Variants in ROBO2 observed in about 807,000 individuals in gnomAD.
ROBO2 encodes the protein roundabout guidance receptor 2.
Under a neutral mutation model 160.8 loss-of-function variants are expected in ROBO2, and 53 were observed. That is an observed-to-expected ratio of 0.33 (90% CI 0.26 to 0.41). The LOEUF (loss-of-function observed/expected upper bound fraction) is 0.41. Among genes scored for constraint, ROBO2 ranks in the 10% least tolerant of loss-of-function variants. The pLI is 1.00. For missense variants in ROBO2, 1,577 were observed against 1,722.4 expected (o/e 0.92, Z 1.49); for synonymous variants, 664 against 611.7 (o/e 1.09, Z -1.26).
chr3:77,068,508 A>G (rs1035198803), intron 1 of ROBO2, among the ~76,000 whole-genome samples: 1 of 152,104 alleles, frequency 6.6e-6, no homozygotes, highest in African/African-American at 2.4e-5. Flanking sequence ...GCTGGTTTCT[A>G]AAGCCTCTTA....
At chr3:76,245,697 A>G (rs530937799) in intron 2 of ROBO2, among the ~76,000 whole-genome samples, 29 of 152,278 alleles carry the variant, frequency 1.9e-4, no homozygotes, top group African/African-American at 7.0e-4. Context: ...CTTGCTAAGC[A>G]TTACATCTTC....
intron 1 of ROBO2, among the ~76,000 whole-genome samples, chr3:77,096,979 C>T (rs370579492): frequency 1.2e-4 from 19 of 152,288 alleles, no homozygotes; most frequent in South Asian, 4.1e-4. Flanking sequence ...CAACTGTCTT[C>T]GTGTCTCCGT....
At chr3:77,291,076 G>A (rs868086910) in intron 2 of ROBO2, among the ~76,000 whole-genome samples, 3,406 of 104,198 alleles carry the variant, frequency 0.033, 57 homozygotes, top group Middle Eastern at 0.067. Flanking sequence ...CACCCCAGAC[G>A]TAAAGTAAAA....
At chr3:76,725,848 G>A (rs1008545146) in intron 2 of ROBO2, among the ~76,000 whole-genome samples, 2 of 152,066 alleles carry the variant, frequency 1.3e-5, no homozygotes, top group Admixed American at 1.3e-4. Context: ...ATGAGCCTTC[G>A]GAATCTTTCT....
chr3:75,981,847 C>G (rs1466843384), intron 2 of ROBO2, among the ~76,000 whole-genome samples: 1 of 151,246 alleles, frequency 6.6e-6, no homozygotes, highest in Non-Finnish European at 1.5e-5. Flanking sequence ...ATTGTGCTAT[C>G]AAGTAGTAGG....
intron 2 of ROBO2, among the ~76,000 whole-genome samples, chr3:76,813,292 C>T (rs1457854513): frequency 6.6e-6 from 1 of 152,074 alleles, no homozygotes; most frequent in African/African-American, 2.4e-5. Flanking sequence ...TCACAAAGTA[C>T]TACACATTTA....
chr3:77,486,935 G>A (rs927484966), intron 4 of ROBO2, among the ~76,000 whole-genome samples: 35 of 151,892 alleles, frequency 2.3e-4, no homozygotes, highest in Admixed American at 1.8e-3. Flanking sequence ...TTCATATTTA[G>A]TTGTTATTCT....
chr3:77,373,897 C>T (rs956024232), intron 2 of ROBO2, among the ~76,000 whole-genome samples: 2 of 148,622 alleles, frequency 1.3e-5, no homozygotes, highest in South Asian at 2.1e-4. Flanking sequence ...GTTGGCGGGG[C>T]GCGATGGCTC....
At chr3:75,920,074 G>T (rs1946970158) in intron 1 of ROBO2, among the ~76,000 whole-genome samples, 2 of 152,016 alleles carry the variant, frequency 1.3e-5, no homozygotes, top group South Asian at 4.2e-4. Flanking sequence ...CTTGTCTTAT[G>T]CTAGGTTTTG....
At chr3:77,036,662 C>T (rs2063654580), upstream of ROBO2, among the ~76,000 whole-genome samples, 1 of 151,940 alleles carries the variant, frequency 6.6e-6, no homozygotes, top group South Asian at 2.1e-4. Context: ...CCAGGTTTTA[C>T]ATAAAAGAAG....
At chr3:76,299,179 A>C (rs1205431013) in intron 2 of ROBO2, among the ~76,000 whole-genome samples, 2 of 152,212 alleles carry the variant, frequency 1.3e-5, no homozygotes, top group African/African-American at 4.8e-5. Context: ...AAAGCAAAGT[A>C]TATAGCATGT....
intron 2 of ROBO2, among the ~76,000 whole-genome samples, chr3:76,019,605 A>T (rs2066510183): frequency 6.6e-6 from 1 of 151,518 alleles, no homozygotes; most frequent in African/African-American, 2.4e-5. Flanking sequence ...TATTTGCTTT[A>T]TGGTCTCCTC....
chr3:76,445,041 G>A (rs961557949), intron 2 of ROBO2, among the ~76,000 whole-genome samples: 2 of 151,748 alleles, frequency 1.3e-5, no homozygotes, highest in African/African-American at 4.8e-5. Context: ...TTTTAGTTTT[G>A]AAAAGCATGA....
At chr3:76,129,942 T>C (rs1484171778) in intron 2 of ROBO2, among the ~76,000 whole-genome samples, 2 of 152,088 alleles carry the variant, frequency 1.3e-5, no homozygotes, top group African/African-American at 2.4e-5. Flanking sequence ...CTGATGGATC[T>C]GAAGTATAAA....
intron 2 of ROBO2, among the ~76,000 whole-genome samples, chr3:76,780,731 G>T (rs183832182): frequency 6.6e-6 from 1 of 150,680 alleles, no homozygotes; most frequent in Non-Finnish European, 1.5e-5. Flanking sequence ...TTAGCTGACC[G>T]TATATGCATG....
chr3:77,297,528 C>T (rs72895180), intron 2 of ROBO2, among the ~76,000 whole-genome samples: 1 of 152,068 alleles, frequency 6.6e-6, no homozygotes, highest in Non-Finnish European at 1.5e-5. Flanking sequence ...AAACTCCCTC[C>T]GGAATGCTGG....
chr3:77,579,270 C>T (rs1164653681), intron 15 of ROBO2, among the ~76,000 whole-genome samples: 1 of 152,084 alleles, frequency 6.6e-6, no homozygotes, highest in African/African-American at 2.4e-5. Flanking sequence ...ACTTCCTTAA[C>T]ATCAATATCT....
rs777881089 is a variant in ROBO2 at position 77,607,961 on chromosome 3, A to T, written c.3293+7A>T. ...TGGAACAACAAGAAAATGGGTAAAG[A>T]TATTTTATATACTAGCAAAATGGCC... On this transcript the variant is annotated splice_region_variant and intron_variant, in intron 21 of 25. Transcript: ENST00000461745. 1 of 1,613,852 alleles carries T rather than the reference A, an allele frequency of 6.2e-7. No homozygotes were observed. The highest frequency in any genetic ancestry group is 2.2e-5 in the East Asian group (1 of 44,858).
chr3:77,494,563 G>T (rs946514203), intron 5 of ROBO2, among the ~76,000 whole-genome samples: 11 of 152,108 alleles, frequency 7.2e-5, no homozygotes, highest in Non-Finnish European at 1.0e-4. Flanking sequence ...GGGCGACAGA[G>T]TGAGACTGTC....
Sources: gnomAD v4.1 joint callset for allele counts (sites outside exome capture counted in the v4.1 genomes callset) on GRCh38, gnomAD v4.1.1 for gene constraint, MANE v1.5 for transcripts, NCBI Gene and HGNC (gene_info 2026-07-23, HGNC 2026-07-21) for gene names.